HS6ST3: variants seen among roughly 807,000 people sequenced by gnomAD.
HS6ST3 encodes the protein heparan sulfate 6-O-sulfotransferase 3, also known as heparan-sulfate 6-O-sulfotransferase 3.
Under a neutral mutation model 36.7 loss-of-function variants are expected in HS6ST3, and 12 were observed. The observed-to-expected ratio is 0.33, with a 90% CI of 0.21 to 0.53. The LOEUF is 0.53. Ranked by LOEUF, HS6ST3 falls within the 20% of genes least tolerant of loss-of-function variation. HS6ST3 has a pLI of 0.95. For missense variants in HS6ST3, 584 were observed against 640.9 expected (o/e 0.91, Z 0.96); for synonymous variants, 240 against 257.5 (o/e 0.93, Z 0.65).
At chr13:96,291,301 ATAATAAGG>A (rs2054828675) in intron 1 of HS6ST3, among the ~76,000 whole-genome samples, 1 of 152,206 alleles carries the variant, frequency 6.6e-6, no homozygotes, top group Non-Finnish European at 1.5e-5. Flanking sequence ...CAATGAAACA[ATAATAAGG>A]CCTGGATTCT....
chr13:96,550,670 T>C (rs1238889744), intron 1 of HS6ST3, among the ~76,000 whole-genome samples: 1 of 152,078 alleles, frequency 6.6e-6, no homozygotes, highest in Non-Finnish European at 1.5e-5. Flanking sequence ...TTGTTTTTGC[T>C]TGTATACTCA....
intron 1 of HS6ST3, among the ~76,000 whole-genome samples, chr13:96,331,388 T>C (rs2055066256): frequency 6.6e-6 from 1 of 152,026 alleles, no homozygotes; most frequent in African/African-American, 2.4e-5. Flanking sequence ...TTGTTAGTTT[T>C]CCTTCTAACA....
intron 1 of HS6ST3, among the ~76,000 whole-genome samples, chr13:96,281,075 C>T (rs540888153): frequency 2.6e-5 from 4 of 152,038 alleles, no homozygotes; most frequent in Admixed American, 6.6e-5. Flanking sequence ...GGCACAATCT[C>T]GGCTCACTGC....
intron 1 of HS6ST3, among the ~76,000 whole-genome samples, chr13:96,189,469 G>A (rs1309638123): frequency 6.6e-6 from 1 of 152,052 alleles, no homozygotes; most frequent in Non-Finnish European, 1.5e-5. Context: ...CATGGATCTA[G>A]GATGTAGGGC....
At chr13:96,294,038 A>T (rs2054842835) in intron 1 of HS6ST3, among the ~76,000 whole-genome samples, 1 of 152,136 alleles carries the variant, frequency 6.6e-6, no homozygotes, top group Non-Finnish European at 1.5e-5. Context: ...TAATGTCTAG[A>T]GGAATGACAT....
chr13:96,611,888 G>T (rs369100626), intron 1 of HS6ST3, among the ~76,000 whole-genome samples: 1 of 152,132 alleles, frequency 6.6e-6, no homozygotes, highest in African/African-American at 2.4e-5. Context: ...GTAAGCAGGG[G>T]TCATCGAGTG....
At chr13:96,347,704 T>C (rs1035107287) in intron 1 of HS6ST3, among the ~76,000 whole-genome samples, 1 of 152,226 alleles carries the variant, frequency 6.6e-6, no homozygotes, top group African/African-American at 2.4e-5. Context: ...TGGTCTGTGC[T>C]TGGGAAAAAT....
At chr13:96,774,677 T>C (rs4465470) in intron 1 of HS6ST3, among the ~76,000 whole-genome samples, 88,991 of 151,762 alleles carry the variant, frequency 0.59, 27,986 homozygotes, top group African/African-American at 0.84. Context: ...AAATATGGGA[T>C]TATGTGAAAA....
Position 96,090,784 on chromosome 13 carries a change from G to C in HS6ST3, c.-79G>C, listed in dbSNP as rs931031517. On this transcript the variant is annotated 5_prime_UTR_variant, in exon 1 of 2. Coordinates refer to ENST00000376705, the MANE Select transcript of HS6ST3 (RefSeq NM_153456.4). ...GGCTCCGAGCCGCGCCCCGGAGTCC[G>C]CGAAACTTCCGAGCGGGCGCCCGTC... 2.4e-6 allele frequency: 3 copies of C among 1,257,148 alleles called. No homozygotes were observed. Among genetic ancestry groups the C allele is most frequent in the Non-Finnish European group, 3.1e-6 (3 of 975,694 alleles). The allele number at this position is 1,257,148 out of a possible 1,614,324, so 77.9% of individuals were successfully genotyped here.
At chr13:96,677,802 T>C (rs1315740253) in intron 1 of HS6ST3, among the ~76,000 whole-genome samples, 1 of 152,200 alleles carries the variant, frequency 6.6e-6, no homozygotes, top group Non-Finnish European at 1.5e-5. Context: ...TAGACTCAAA[T>C]AAATCTTATT....
chr13:96,438,543 A>C lies in HS6ST3; in HGVS notation c.707+346974A>C, dbSNP rs538104828. Among the ~76,000 whole-genome samples, 41 of 152,302 alleles carry C rather than the reference A, an allele frequency of 2.7e-4. 1 individual carries two copies. In the South Asian group the frequency reaches 6.0e-3, roughly 22 times the overall value. On this transcript the variant is annotated intron_variant, in intron 1 of 1. Coordinates refer to ENST00000376705, the MANE Select transcript of HS6ST3 (RefSeq NM_153456.4). ...TTGATCCACTGTAGCTCATCACAGA[A>C]TAGCTACTTGGGGCATTTCATTGTT...
At chr13:96,135,928 AC>A (rs374827432) in intron 1 of HS6ST3, among the ~76,000 whole-genome samples, 1 of 152,066 alleles carries the variant, frequency 6.6e-6, no homozygotes, top group Non-Finnish European at 1.5e-5. Context: ...ACCTTCACTT[AC>A]CCCAAAAGAA....
intron 1 of HS6ST3, among the ~76,000 whole-genome samples, chr13:96,181,480 T>C (rs2054239684): frequency 6.6e-6 from 1 of 152,234 alleles, no homozygotes; most frequent in South Asian, 2.1e-4. Context: ...GAGAGGTTTT[T>C]TCTGCCTCGT....
rs181981802 is a variant in HS6ST3, at chr13:96,608,078, A to G, written c.708-224412A>G. ...TGATAATTGCAGTAGATTGAAGCCC[A>G]TCAAATATGTTAAAATCTTTGCGTT... On this transcript the variant is annotated intron_variant, in intron 1 of 1. Coordinates refer to ENST00000376705, the MANE Select transcript of HS6ST3 (RefSeq NM_153456.4). Among the ~76,000 whole-genome samples, 390 of 152,334 alleles carry G rather than the reference A, an allele frequency of 2.6e-3. 4 individuals carry two copies. The highest frequency in any genetic ancestry group is 9.0e-3 in the African/African-American group (372 of 41,562).
At chr13:96,792,748 C>G (rs943386596) in intron 1 of HS6ST3, among the ~76,000 whole-genome samples, 1 of 152,014 alleles carries the variant, frequency 6.6e-6, no homozygotes, top group Non-Finnish European at 1.5e-5. Flanking sequence ...GAGCACAGAG[C>G]TTCACTTATC....
intron 1 of HS6ST3, among the ~76,000 whole-genome samples, chr13:96,677,014 ATACT>A (rs1340775820): frequency 2.0e-5 from 3 of 152,170 alleles, no homozygotes; most frequent in Non-Finnish European, 4.4e-5. Context: ...CTTTTTTCAA[ATACT>A]TACTACATAA....
chr13:96,329,076 T>C (rs1216552127), intron 1 of HS6ST3, among the ~76,000 whole-genome samples: 2 of 150,932 alleles, frequency 1.3e-5, no homozygotes, highest in Admixed American at 6.6e-5. Context: ...CTCTCTTTTT[T>C]TCTTTATTAG....
intron 1 of HS6ST3, among the ~76,000 whole-genome samples, chr13:96,692,416 CTT>C (rs946591560): frequency 6.6e-6 from 1 of 152,100 alleles, no homozygotes; most frequent in Non-Finnish European, 1.5e-5. Flanking sequence ...ACTACAGAAA[CTT>C]TTTTTCCAGA....
chr13:96,114,753 C>T (rs1213143632), intron 1 of HS6ST3, among the ~76,000 whole-genome samples: 1 of 152,108 alleles, frequency 6.6e-6, no homozygotes, highest in Non-Finnish European at 1.5e-5. Flanking sequence ...GTGTAAAAAC[C>T]CCCAAATAAA....
Sources: allele counts gnomAD v4.1 joint callset (sites outside exome capture counted in the v4.1 genomes callset), GRCh38; gene constraint gnomAD v4.1.1; transcripts MANE v1.5; gene names NCBI Gene and HGNC (gene_info 2026-07-23, HGNC 2026-07-21).